Variants in MATN2 observed in about 807,000 individuals in gnomAD.
MATN2 encodes matrilin 2.
Under a neutral mutation model 103.2 loss-of-function variants are expected in MATN2, and 69 were observed. The ratio of observed to expected loss-of-function variants is 0.67; its 90% confidence interval spans 0.55 to 0.82. The LOEUF (loss-of-function observed/expected upper bound fraction) is 0.82. MATN2 is among the 40% of genes least tolerant of loss of function. The pLI, the probability that MATN2 is intolerant of heterozygous loss-of-function variation, is 0.00. For missense variants in MATN2, 1,023 were observed against 1,211.5 expected, an observed-to-expected ratio of 0.84 and a Z score of 2.31; for synonymous variants, 429 against 450.2, an observed-to-expected ratio of 0.95 and a Z score of 0.60.
chr8:97,880,548 T>C (rs1169216891), intron 1 of MATN2, among the ~76,000 whole-genome samples: 1 of 152,286 alleles, frequency 6.6e-6, no homozygotes, highest in Non-Finnish European at 1.5e-5. Context: ...ATGTAATGCA[T>C]GTCTCTCAAT....
intron 4 of MATN2, among the ~76,000 whole-genome samples, chr8:97,948,777 T>G (rs1037916975): frequency 1.3e-5 from 2 of 152,192 alleles, no homozygotes; most frequent in Non-Finnish European, 2.9e-5. Context: ...GATGAAATGG[T>G]AGAAGAAAAA....
chr8:97,962,877 G>T (rs193111289), intron 5 of MATN2, among the ~76,000 whole-genome samples: 2 of 152,314 alleles, frequency 1.3e-5, no homozygotes, highest in African/African-American at 4.8e-5. Flanking sequence ...GCTCACGTCT[G>T]TAATCCCAGC....
chr8:97,869,535 A>G (rs1242357346), intron 1 of MATN2, among the ~76,000 whole-genome samples: 1 of 152,060 alleles, frequency 6.6e-6, no homozygotes, highest in Non-Finnish European at 1.5e-5. Flanking sequence ...TGCGCAGGAC[A>G]AGCCGCGCTG....
chr8:98,030,396 A>C, intron 14 of MATN2, 66 bp from the exon 15 acceptor site: 3 of 1,383,482 alleles, frequency 2.2e-6, no homozygotes, highest in Non-Finnish European at 2.0e-6. Flanking sequence ...GGTGCAGTAC[A>C]CACAACTTCC....
At chr8:97,899,700 C>T (rs1036852239) in intron 2 of MATN2, among the ~76,000 whole-genome samples, 1 of 152,166 alleles carries the variant, frequency 6.6e-6, no homozygotes, top group Admixed American at 6.5e-5. Context: ...ACTCCAAATC[C>T]GGTTACCTCC....
At chr8:97,899,046 A>C (rs1481736373) in intron 2 of MATN2, among the ~76,000 whole-genome samples, 2 of 151,796 alleles carry the variant, frequency 1.3e-5, no homozygotes, top group African/African-American at 4.8e-5. Flanking sequence ...ATAAACCACC[A>C]CACCCCGCCT....
intron 10 of MATN2, among the ~76,000 whole-genome samples, chr8:98,008,638 C>T (rs1436362937): frequency 1.3e-5 from 2 of 152,156 alleles, no homozygotes; most frequent in African/African-American, 4.8e-5. Context: ...GCTCCCTGCC[C>T]AGCTGCCTCC....
At chr8:97,879,278 C>T (rs750860428) in intron 1 of MATN2, among the ~76,000 whole-genome samples, 1 of 152,132 alleles carries the variant, frequency 6.6e-6, no homozygotes, top group Non-Finnish European at 1.5e-5. Flanking sequence ...GAGGGACCGG[C>T]ATGGATGGAG....
rs182907689 is a variant in MATN2 at position 97,929,838 on chromosome 8, A to G, written c.143-1115A>G. 2.6e-5 allele frequency among the ~76,000 whole-genome samples: 4 copies of G among 152,310 alleles called. No individual in the cohort carries two copies. In the East Asian group the frequency reaches 7.7e-4, roughly 29 times the overall value. Reference sequence around the variant, plus strand: ...CACTGCCAGACTCTGTTGACTTTTCATTATGTAACTTCCCTATGGGAGAGG... The same window carrying G: ...CACTGCCAGACTCTGTTGACTTTTCGTTATGTAACTTCCCTATGGGAGAGG... On this transcript the variant is annotated intron_variant, in intron 2 of 18. Transcript: ENST00000254898.
chr8:97,962,590 G>T (rs1811351390), intron 5 of MATN2, among the ~76,000 whole-genome samples: 1 of 152,168 alleles, frequency 6.6e-6, no homozygotes, highest in Non-Finnish European at 1.5e-5. Context: ...AATGCAGCTG[G>T]TCTCCTGGGC....
intron 2 of MATN2, among the ~76,000 whole-genome samples, chr8:97,909,495 G>A (rs1819287256): frequency 6.6e-6 from 1 of 152,148 alleles, no homozygotes; most frequent in Non-Finnish European, 1.5e-5. Flanking sequence ...CTTTAGATGA[G>A]TCGGGGGAAG....
chr8:97,964,246 C>A (rs16892214), intron 5 of MATN2, among the ~76,000 whole-genome samples: 1 of 152,046 alleles, frequency 6.6e-6, no homozygotes, highest in Non-Finnish European at 1.5e-5. Flanking sequence ...GGCCAGAAGG[C>A]GCTTATCAAA....
chr8:97,873,938 A>G (rs1249598311), intron 1 of MATN2, among the ~76,000 whole-genome samples: 1 of 152,116 alleles, frequency 6.6e-6, no homozygotes, highest in Non-Finnish European at 1.5e-5. Context: ...AGTAACCCTC[A>G]ACTTTGGCCC....
intron 1 of MATN2, among the ~76,000 whole-genome samples, chr8:97,876,095 T>C (rs1481133564): frequency 2.6e-5 from 4 of 152,078 alleles, no homozygotes; most frequent in Non-Finnish European, 5.9e-5. Context: ...CCTAGCTCAC[T>C]GCAACTTCCT....
chr8:97,921,699 C>T (rs1047763697), intron 2 of MATN2, among the ~76,000 whole-genome samples: 3 of 152,246 alleles, frequency 2.0e-5, no homozygotes, highest in Non-Finnish European at 4.4e-5. Context: ...GGCCGCATCT[C>T]AGGTGTCTGT....
intron 1 of MATN2, among the ~76,000 whole-genome samples, chr8:97,871,825 G>A (rs1035725960): frequency 7.2e-5 from 11 of 152,202 alleles, no homozygotes; most frequent in African/African-American, 2.7e-4. Flanking sequence ...GCTGTTGCCA[G>A]TAATTGGTGT....
intron 6 of MATN2, among the ~76,000 whole-genome samples, chr8:97,985,069 G>C (rs1214273584): frequency 6.6e-6 from 1 of 152,222 alleles, no homozygotes; most frequent in Non-Finnish European, 1.5e-5. Flanking sequence ...GAACACCTGA[G>C]ACTGGGTAAT....
At chr8:97,942,284 T>G (rs1280901231) in intron 4 of MATN2, among the ~76,000 whole-genome samples, 3 of 152,188 alleles carry the variant, frequency 2.0e-5, no homozygotes, top group Admixed American at 6.5e-5. Context: ...CTATAAAGTG[T>G]GGATTTAGGA....
intron 2 of MATN2, among the ~76,000 whole-genome samples, chr8:97,912,870 G>C (rs1809492274): frequency 6.6e-6 from 1 of 152,152 alleles, no homozygotes; most frequent in Admixed American, 6.5e-5. Flanking sequence ...GAGCCACCAG[G>C]GCCAGTGCAG....
Sources: allele counts gnomAD v4.1 joint callset (sites outside exome capture counted in the v4.1 genomes callset), GRCh38; gene constraint gnomAD v4.1.1; transcripts MANE v1.5; gene names NCBI Gene and HGNC (gene_info 2026-07-23, HGNC 2026-07-21).